UIMC1: variants seen among roughly 807,000 people sequenced by gnomAD.
The protein encoded by UIMC1 is BRCA1-A complex subunit RAP80.
A neutral mutation model predicts 84.9 loss-of-function variants in UIMC1; 42 were observed. That is an observed-to-expected ratio of 0.49 (90% CI 0.39 to 0.64). The LOEUF (loss-of-function observed/expected upper bound fraction) is 0.64, where lower values mean the gene tolerates loss of function less well. Ranked by LOEUF, UIMC1 falls within the 30% of genes least tolerant of loss-of-function variation. The probability of loss-of-function intolerance (pLI) is 0.00; values close to 1 mark genes in which losing one functional copy is unlikely to be tolerated. For missense variants in UIMC1, 825 were observed against 847.6 expected (o/e 0.97, Z 0.33); for synonymous variants, 281 against 293.0 (o/e 0.96, Z 0.42).
Position 176,911,356 on chromosome 5 carries a change from T to G in UIMC1, c.1631A>C (p.Lys544Thr). The stretch of plus-strand genomic sequence containing the variant: ...CTGGGCAGCTGTCCCACTGTCACTC[T>G]TGGTCTTGGCCTCTTTTTGTCTCCG... The part of the protein sequence containing the change: ...LTRRQKEAKT[K>T]SDSGTAAQTS... Residue 544 changes from lysine to threonine, a missense_variant, in exon 11 of 15, where the codon AAG becomes ACG. Transcript: ENST00000511320. 1 of 1,600,178 alleles carries G rather than the reference T, an allele frequency of 6.2e-7. No homozygotes were observed.
intron 10 of UIMC1, 35 bp from the exon 11 acceptor site, chr5:176,911,424 G>A: frequency 7.2e-7 from 1 of 1,390,584 alleles, no homozygotes; most frequent in Non-Finnish European, 9.5e-7. Context: ...TATACACATA[G>A]TTAGCTGCCA....
intron 9 of UIMC1, among the ~76,000 whole-genome samples, chr5:176,950,904 C>T (rs1476299364): frequency 6.6e-6 from 1 of 151,812 alleles, no homozygotes; most frequent in Non-Finnish European, 1.5e-5. Flanking sequence ...AATATACACA[C>T]CGAGAATCTT....
chr5:176,983,761 C>G (rs1002053909), intron 1 of UIMC1, among the ~76,000 whole-genome samples: 41 of 151,666 alleles, frequency 2.7e-4, no homozygotes, highest in African/African-American at 9.9e-4. Context: ...CGCCTCTACC[C>G]GGCCGCCACC....
intron 1 of UIMC1, among the ~76,000 whole-genome samples, chr5:176,985,325 G>A (rs557131177): frequency 7.9e-5 from 12 of 151,844 alleles, no homozygotes; most frequent in Non-Finnish European, 1.3e-4. Flanking sequence ...GCGTGGTAGC[G>A]CATGCCTGTA....
intron 8 of UIMC1, among the ~76,000 whole-genome samples, chr5:176,953,749 T>C (rs1766223319): frequency 1.3e-5 from 2 of 152,204 alleles, no homozygotes; most frequent in African/African-American, 2.4e-5. Flanking sequence ...GCTAGAAGCA[T>C]GCAAAATGTA....
intron 1 of UIMC1, among the ~76,000 whole-genome samples, chr5:176,996,745 C>T (rs1488232649): frequency 6.6e-6 from 1 of 152,136 alleles, no homozygotes; most frequent in East Asian, 1.9e-4. Flanking sequence ...TGAGTACCAA[C>T]CACTGCACTG....
intron 1 of UIMC1, among the ~76,000 whole-genome samples, chr5:177,017,297 G>A (rs1775693577): frequency 6.6e-6 from 1 of 152,156 alleles, no homozygotes; most frequent in African/African-American, 2.4e-5. Flanking sequence ...AGACTATTAG[G>A]AGGTAACTCA....
intron 14 of UIMC1, 45 bp from the exon 15 acceptor site, chr5:176,905,537 G>T: frequency 6.4e-7 from 1 of 1,569,328 alleles, no homozygotes. Context: ...CACCTACTAA[G>T]CATCAAGGAC....
chr5:176,921,693 A>G (rs1761722174), intron 10 of UIMC1, among the ~76,000 whole-genome samples: 1 of 152,092 alleles, frequency 6.6e-6, no homozygotes, highest in Non-Finnish European at 1.5e-5. Context: ...AGCTACCTCT[A>G]TGGTCAAAGC....
At chr5:176,987,199 C>T (rs751188859) in intron 1 of UIMC1, among the ~76,000 whole-genome samples, 4 of 151,898 alleles carry the variant, frequency 2.6e-5, no homozygotes, top group East Asian at 1.9e-4. Context: ...CCAGCCTGGG[C>T]GACAAGAGCG....
At chr5:177,010,786 G>A (rs978634067), upstream of UIMC1, among the ~76,000 whole-genome samples, 2 of 152,130 alleles carry the variant, frequency 1.3e-5, no homozygotes, top group African/African-American at 4.8e-5. Flanking sequence ...GCCTCCCAAA[G>A]TGAGCAACCG....
chr5:176,913,764 A>G (rs1459608686), intron 10 of UIMC1, among the ~76,000 whole-genome samples: 2 of 152,166 alleles, frequency 1.3e-5, no homozygotes, highest in African/African-American at 4.8e-5. Context: ...ATCACTTGAG[A>G]CCAGGAGTTC....
intron 3 of UIMC1, 92 bp downstream of exon 3, chr5:176,975,304 C>G (rs1769887684): frequency 8.0e-7 from 1 of 1,253,954 alleles, no homozygotes; most frequent in Non-Finnish European, 1.1e-6. Flanking sequence ...CTATCAGAGA[C>G]CTAAGAATGC....
intron 10 of UIMC1, among the ~76,000 whole-genome samples, chr5:176,914,747 C>T (rs1561722479): frequency 1.3e-5 from 2 of 152,288 alleles, no homozygotes; most frequent in Non-Finnish European, 2.9e-5. Context: ...AGCGGGGAAT[C>T]AGATTATATA....
intron 10 of UIMC1, among the ~76,000 whole-genome samples, chr5:176,911,954 A>G (rs2962842): frequency 0.42 from 63,186 of 152,100 alleles, 13,419 homozygotes; most frequent in East Asian, 0.48. Context: ...ACACAAATAC[A>G]TTGTCTCTCA....
chr5:176,955,872 T>C (rs1180444149), intron 8 of UIMC1, 87 bp downstream of exon 8: 7 of 1,224,066 alleles, frequency 5.7e-6, no homozygotes, highest in Non-Finnish European at 8.3e-6. Context: ...CTCCAGAGAG[T>C]AGGTTTGAAG....
intron 10 of UIMC1, among the ~76,000 whole-genome samples, chr5:176,915,252 T>C (rs1443753598): frequency 1.3e-5 from 2 of 151,452 alleles, no homozygotes; most frequent in Non-Finnish European, 2.9e-5. Context: ...TTTTTTTTTT[T>C]TTTTCTCTTC....
chr5:177,019,735 C>G (rs1775747183), intron 1 of UIMC1, among the ~76,000 whole-genome samples: 1 of 151,976 alleles, frequency 6.6e-6, no homozygotes, highest in South Asian at 2.1e-4. Context: ...AGTTCAAGAC[C>G]AGCCTGGCCA....
chr5:176,974,813 C>CA (rs924066311), intron 3 of UIMC1, among the ~76,000 whole-genome samples: 81 of 142,692 alleles, frequency 5.7e-4, no homozygotes, highest in African/African-American at 1.4e-3. Flanking sequence ...TGCTCCGTCT[C>CA]AAAAAAAAAA....
Sources: gnomAD v4.1 joint callset for allele counts (sites outside exome capture counted in the v4.1 genomes callset) on GRCh38, gnomAD v4.1.1 for gene constraint, MANE v1.5 for transcripts, NCBI Gene and HGNC (gene_info 2026-07-23, HGNC 2026-07-21) for gene names.